Variants in SMKR1 observed in about 807,000 individuals in gnomAD.
SMKR1 encodes small lysine-rich protein 1.
A neutral mutation model predicts 4.0 loss-of-function variants in SMKR1; 4 were observed. The ratio of observed to expected loss-of-function variants is 1.00; its 90% CI spans 0.49 to 2.30. The LOEUF is 2.30. Among genes scored for constraint, SMKR1 ranks in the 30% most tolerant of loss-of-function variants. The probability of loss-of-function intolerance (pLI) is 0.02; values close to 1 mark genes in which losing one functional copy is unlikely to be tolerated. For synonymous variants in SMKR1, 38 were observed against 32.5 expected, an observed-to-expected ratio of 1.17 and a Z score of -0.58; for missense variants, 56 against 81.8, an observed-to-expected ratio of 0.68 and a Z score of 1.22.
At chr7:129,506,845 G>A (rs1001681682) in intron 1 of SMKR1, among the ~76,000 whole-genome samples, 1 of 146,318 alleles carries the variant, frequency 6.8e-6, no homozygotes, top group Non-Finnish European at 1.5e-5. Flanking sequence ...TGGGCTTTTA[G>A]GTTTTCTTTC....
intron 1 of SMKR1, among the ~76,000 whole-genome samples, chr7:129,503,070 A>C (rs1439745914): frequency 6.6e-6 from 1 of 150,988 alleles, no homozygotes. Flanking sequence ...CAGCCCCCAC[A>C]CCCAGACGGT....
In SMKR1 at chr7:129,512,800, G is replaced by A. The variant is rs375621453; in HGVS notation, c.*359G>A. The A allele has an allele frequency of 1.2e-5, 2 of 171,372 alleles. No individual in the cohort carries two copies. The highest frequency in any genetic ancestry group is 6.3e-5 in the Admixed American group (1 of 15,816). The allele number at this position is 171,372 out of a possible 1,614,324, so 10.6% of individuals were successfully genotyped here. On this transcript the variant is annotated 3_prime_UTR_variant, in exon 2 of 2. Transcript: ENST00000462322. ...TAATTGTTTTCTTTTGCCAAAGAGCGTTTGTCATTTAGAGAAGACACGGCA... is the reference window on the plus strand; with the variant it reads ...TAATTGTTTTCTTTTGCCAAAGAGCATTTGTCATTTAGAGAAGACACGGCA...
Position 129,512,458 on chromosome 7 carries a change from A to G in SMKR1, c.*17A>G, listed in dbSNP as rs1416817700. On this transcript the variant is annotated 3_prime_UTR_variant, in exon 2 of 2. Transcript: ENST00000462322. ...AGCAAGTGACAGCATTTCACAACAC[A>G]TCTCTGTTACAGACAACAGGACCTG... 1.3e-6 allele frequency: 2 copies of G among 1,529,802 alleles called. No homozygotes were observed. Among genetic ancestry groups the G allele is most frequent in the Non-Finnish European group, 1.7e-6 (2 of 1,144,596 alleles). The allele number at this position is 1,529,802 out of a possible 1,614,324, so 94.8% of individuals were successfully genotyped here. A position where few individuals can be genotyped will look rare whatever the true frequency, so the allele number is the denominator to read the frequency against.
At chr7:129,503,418 G>T (rs1336009262) in intron 1 of SMKR1, among the ~76,000 whole-genome samples, 1 of 152,230 alleles carries the variant, frequency 6.6e-6, no homozygotes, top group African/African-American at 2.4e-5. Context: ...GCTTGAGCTG[G>T]GCGCACAGAG....
intron 1 of SMKR1, among the ~76,000 whole-genome samples, chr7:129,508,374 A>G (rs562155873): frequency 1.4e-4 from 22 of 152,270 alleles, no homozygotes; most frequent in Middle Eastern, 6.8e-3. Flanking sequence ...CTATCACACC[A>G]TCTTGTTATG....
chr7:129,506,317 C>T (rs897371306), intron 1 of SMKR1, among the ~76,000 whole-genome samples: 2 of 152,124 alleles, frequency 1.3e-5, no homozygotes, highest in Admixed American at 6.6e-5. Context: ...TGGTGCAAAT[C>T]TGTAGTCCCA....
chr7:129,512,525 A>G lies in SMKR1; in HGVS notation c.*84A>G, dbSNP rs142662487. 6.7e-5 allele frequency: 90 copies of G among 1,335,798 alleles called. 1 individual carries two copies. In the African/African-American group the frequency reaches 1.3e-3, roughly 19 times the overall value. The allele number at this position is 1,335,798 out of a possible 1,614,324, so 82.7% of individuals were successfully genotyped here. On this transcript the variant is annotated 3_prime_UTR_variant, in exon 2 of 2. Coordinates refer to ENST00000462322, the MANE Select transcript of SMKR1 (RefSeq NM_001195243.2). ...ATAACACAACTGTTGCCAGCAACAT[A>G]GACTTTACTCCAGACGACTTGAGAT...
intron 1 of SMKR1, among the ~76,000 whole-genome samples, chr7:129,505,719 T>G (rs544213364): frequency 6.6e-6 from 1 of 152,296 alleles, no homozygotes; most frequent in African/African-American, 2.4e-5. Flanking sequence ...TGACCTCAGA[T>G]GATCCACCGG....
At chr7:129,503,482 AAAC>A (rs1422467413) in intron 1 of SMKR1, among the ~76,000 whole-genome samples, 16 of 152,330 alleles carry the variant, frequency 1.1e-4, no homozygotes, top group African/African-American at 3.6e-4. Flanking sequence ...CTTCTCTGCT[AAAC>A]AACAACAAAC....
At chr7:129,511,598 C>T (rs1428336150) in intron 1 of SMKR1, among the ~76,000 whole-genome samples, 1 of 152,186 alleles carries the variant, frequency 6.6e-6, no homozygotes, top group Non-Finnish European at 1.5e-5. Context: ...ACAAGGGCCA[C>T]AGCTTGCATT....
In SMKR1 at chr7:129,508,515, C is replaced by T. The variant is rs1352392741; in HGVS notation, c.4-3732C>T. On this transcript the variant is annotated intron_variant, in intron 1 of 1. Coordinates refer to ENST00000462322, the MANE Select transcript of SMKR1 (RefSeq NM_001195243.2). Reference sequence around the variant, plus strand: ...GGAGTGCAGTGGCGCAATCTCAGCTCACTGCAACCTCTGCCTTCCGGGTTC... The same window carrying T: ...GGAGTGCAGTGGCGCAATCTCAGCTTACTGCAACCTCTGCCTTCCGGGTTC... Among the ~76,000 whole-genome samples, 6 of 152,298 alleles carry T rather than the reference C, an allele frequency of 3.9e-5. No individual in the cohort carries two copies. In the East Asian group the frequency reaches 1.2e-3, roughly 29 times the overall value.
At chr7:129,506,131 A>C (rs1365813183) in intron 1 of SMKR1, among the ~76,000 whole-genome samples, 1 of 152,206 alleles carries the variant, frequency 6.6e-6, no homozygotes, top group Non-Finnish European at 1.5e-5. Context: ...TGTATATACA[A>C]TAAATTTTAC....
chr7:129,509,341 A>C (rs1354723650), intron 1 of SMKR1, among the ~76,000 whole-genome samples: 1 of 151,900 alleles, frequency 6.6e-6, no homozygotes. Context: ...GAAAATCAAG[A>C]CCCAAAGTCT....
At chr7:129,510,492 G>A (rs1241421140) in intron 1 of SMKR1, among the ~76,000 whole-genome samples, 8 of 152,230 alleles carry the variant, frequency 5.3e-5, no homozygotes, top group Non-Finnish European at 1.0e-4. Context: ...CCAGCACTTT[G>A]GGAGGCCAAG....
chr7:129,507,608 T>C (rs1168315947), intron 1 of SMKR1, among the ~76,000 whole-genome samples: 1 of 152,248 alleles, frequency 6.6e-6, no homozygotes, highest in Non-Finnish European at 1.5e-5. Context: ...AAACTGTTTT[T>C]CAAAGTGGTT....
Position 129,502,859 on chromosome 7 carries a change from C to A in SMKR1, c.3+32C>A, listed in dbSNP as rs1388953566. On this transcript the variant is annotated intron_variant, in intron 1 of 1. Coordinates refer to ENST00000462322, the MANE Select transcript of SMKR1 (RefSeq NM_001195243.2). ...CCCGTCTCCCTAAAGTACCCGGGGCCAGGGCGCGCGCCGTGGAGCCCCAGG... is the reference window on the plus strand; with the variant it reads ...CCCGTCTCCCTAAAGTACCCGGGGCAAGGGCGCGCGCCGTGGAGCCCCAGG... 9.8e-6 allele frequency: 15 copies of A among 1,534,566 alleles called. 1 individual carries two copies. Among genetic ancestry groups the A allele is most frequent in the Middle Eastern group, 1.7e-4 (1 of 5,918 alleles).
Position 129,502,604 on chromosome 7 carries a change from C to G in SMKR1, c.-221C>G. 1 of 553,924 alleles carries G rather than the reference C, an allele frequency of 1.8e-6. No homozygotes were observed. Among genetic ancestry groups the G allele is most frequent in the South Asian group, 2.7e-5 (1 of 37,614 alleles). The allele number at this position is 553,924 out of a possible 1,614,324, so 34.3% of individuals were successfully genotyped here. ...GGCAAGCAGGTGCCTCGCGTCCAGGCGGCTCCGCGGCTGGCTGCCTCCCGA... is the reference window on the plus strand; with the variant it reads ...GGCAAGCAGGTGCCTCGCGTCCAGGGGGCTCCGCGGCTGGCTGCCTCCCGA... On this transcript the variant is annotated 5_prime_UTR_variant, in exon 1 of 2. Transcript: ENST00000462322.
Position 129,507,978 on chromosome 7 carries a change from T to C in SMKR1, c.4-4269T>C, listed in dbSNP as rs961585296. Among the ~76,000 whole-genome samples the C allele has an allele frequency of 9.9e-5, 15 of 152,194 alleles. No individual in the cohort carries two copies. In the East Asian group the frequency reaches 2.1e-3, roughly 21 times the overall value. ...GCTTGTCTTTTCATTCTCTTAATAATATCTTTTGAAGAACAAAAGTTTTAA... is the reference window on the plus strand; with the variant it reads ...GCTTGTCTTTTCATTCTCTTAATAACATCTTTTGAAGAACAAAAGTTTTAA... On this transcript the variant is annotated intron_variant, in intron 1 of 1. Transcript: ENST00000462322.
chr7:129,512,269 A>C lies in SMKR1; in HGVS notation c.26A>C (p.Lys9Thr). 1 of 1,515,014 alleles carries C rather than the reference A, an allele frequency of 6.6e-7. No homozygotes were observed. The highest frequency in any genetic ancestry group is 8.8e-7 in the Non-Finnish European group (1 of 1,141,776). The allele number at this position is 1,515,014 out of a possible 1,614,324, so 93.8% of individuals were successfully genotyped here. The change falls in exon 2 of 2, where the codon AAA (lysine) becomes ACA (threonine). Residue 9 changes from lysine to threonine, a missense_variant. Coordinates refer to ENST00000462322, the MANE Select transcript of SMKR1 (RefSeq NM_001195243.2). Reference sequence around the variant, plus strand: ...AAGCCAGCTAAAGGGAAAAAAGGAAAAGGCCAGGGCAAGTCTCATGGGAAG... The same window carrying C: ...AAGCCAGCTAAAGGGAAAAAAGGAACAGGCCAGGGCAAGTCTCATGGGAAG... The part of the protein sequence containing the change: MPAKGKKG[K>T]GQGKSHGKKQ...
Sources: gnomAD v4.1 joint callset for allele counts (sites outside exome capture counted in the v4.1 genomes callset) on GRCh38, gnomAD v4.1.1 for gene constraint, MANE v1.5 for transcripts, NCBI Gene and HGNC (gene_info 2026-07-23, HGNC 2026-07-21) for gene names.